The following CLNK variants were observed in gnomAD, a reference collection of about 807,000 sequenced individuals.
CLNK encodes the protein cytokine-dependent hematopoietic cell linker.
In CLNK, 74 loss-of-function variants were observed where a neutral mutation model predicts 68.6. The observed-to-expected ratio is 1.08, with a 90% CI of 0.89 to 1.31. The LOEUF (loss-of-function observed/expected upper bound fraction) is 1.31. Among genes scored for constraint, CLNK ranks in the 50% most tolerant of loss-of-function variants. The pLI, the probability that CLNK is intolerant of heterozygous loss-of-function variation, is 0.00. For synonymous variants in CLNK, 198 were observed against 172.2 expected (o/e 1.15, Z -1.17); for missense variants, 553 against 515.3 (o/e 1.07, Z -0.71).
At chr4:10,593,471 A>G (rs1456362958) in intron 3 of CLNK, among the ~76,000 whole-genome samples, 1 of 152,100 alleles carries the variant, frequency 6.6e-6, no homozygotes, top group African/African-American at 2.4e-5. Context: ...CCTGGCTAAT[A>G]TGGCGAAACC....
intron 2 of CLNK, among the ~76,000 whole-genome samples, chr4:10,650,777 A>G (rs1723697391): frequency 6.6e-6 from 1 of 152,180 alleles, no homozygotes; most frequent in African/African-American, 2.4e-5. Context: ...AAGGTTTGAC[A>G]TATAAAATTT....
At chr4:10,590,263 G>T (rs372538296) in intron 3 of CLNK, among the ~76,000 whole-genome samples, 3 of 151,980 alleles carry the variant, frequency 2.0e-5, no homozygotes, top group African/African-American at 7.3e-5. Context: ...ATTTTTAAAG[G>T]CTACTAAAGT....
At position 10,564,755 on chromosome 4, in the gene CLNK, T is replaced by G. The variant is rs201640283; in HGVS notation, c.315A>C (p.Ala105=). 7.3e-5 allele frequency: 118 copies of G among 1,612,424 alleles called. No individual in the cohort carries two copies. The East Asian group carries it at 2.6e-3, about 35-fold the overall frequency. ...TGTCTAACGGAAGGGGAGTGTCCATTGCAACCTTGAAATAGTGTGTATCTA... is the reference window on the plus strand; with the variant it reads ...TGTCTAACGGAAGGGGAGTGTCCATGGCAACCTTGAAATAGTGTGTATCTA... ...EYADTHYFKV[A]MDTPLPLDTR... is the part of the protein sequence containing the mutation. The change falls in exon 7 of 19, where the codon GCA becomes GCC. Residue 105 remains alanine, a synonymous_variant. Coordinates refer to ENST00000226951, the MANE Select transcript of CLNK (RefSeq NM_052964.4).
At chr4:10,660,269 A>G (rs940919184) in intron 2 of CLNK, among the ~76,000 whole-genome samples, 1 of 152,202 alleles carries the variant, frequency 6.6e-6, no homozygotes, top group Non-Finnish European at 1.5e-5. Flanking sequence ...GTTTTCCTGC[A>G]GTGGAAGACC....
chr4:10,542,047 A>G lies in CLNK; in HGVS notation c.472-6T>C. Reference sequence around the variant, plus strand: ...CGAGGAGGTGGTAAAGGAATCTGAAAAAGAAAAGAGAAACCTAAATTAAGT... The same window carrying G: ...CGAGGAGGTGGTAAAGGAATCTGAAGAAGAAAAGAGAAACCTAAATTAAGT... On this transcript the variant is annotated splice_region_variant and splice_polypyrimidine_tract_variant and intron_variant, in intron 9 of 18. Coordinates refer to ENST00000226951, the MANE Select transcript of CLNK (RefSeq NM_052964.4). The G allele has an allele frequency of 6.3e-7, 1 of 1,591,538 alleles. No homozygotes were observed. The highest frequency in any genetic ancestry group is 8.5e-7 in the Non-Finnish European group (1 of 1,169,782).
At chr4:10,634,565 C>T (rs1287606118) in intron 2 of CLNK, among the ~76,000 whole-genome samples, 1 of 152,236 alleles carries the variant, frequency 6.6e-6, no homozygotes, top group Non-Finnish European at 1.5e-5. Context: ...TGGGCTTACA[C>T]TGTGCACCGA....
intron 2 of CLNK, among the ~76,000 whole-genome samples, chr4:10,630,337 T>A (rs1202185732): frequency 9.2e-5 from 14 of 152,234 alleles, no homozygotes; most frequent in Admixed American, 9.2e-4. Flanking sequence ...TAAGCTCTTG[T>A]CACCCTCCTC....
At chr4:10,637,930 C>G (rs1233797960) in intron 2 of CLNK, among the ~76,000 whole-genome samples, 1 of 151,388 alleles carries the variant, frequency 6.6e-6, no homozygotes, top group Non-Finnish European at 1.5e-5. Context: ...TTATTGCCTA[C>G]TCTCTTAAAG....
chr4:10,726,654 T>C, the CLNK span, among the ~76,000 whole-genome samples: 21,115 of 152,224 alleles, frequency 0.14, 1,591 homozygotes, highest in South Asian at 0.23. Context: ...TGTAGAATTA[T>C]TATTAATGAA....
chr4:10,590,486 G>T (rs1350765070), intron 3 of CLNK, among the ~76,000 whole-genome samples: 3 of 152,154 alleles, frequency 2.0e-5, no homozygotes, highest in Non-Finnish European at 4.4e-5. Context: ...AGTGTGGTAT[G>T]CAGTCCTTTG....
intron 1 of CLNK, among the ~76,000 whole-genome samples, chr4:10,668,706 T>A (rs891549403): frequency 6.6e-6 from 1 of 152,126 alleles, no homozygotes; most frequent in Non-Finnish European, 1.5e-5. Flanking sequence ...AGGTAGGCAC[T>A]GGGACACAGA....
At chr4:10,630,380 G>A (rs972505823) in intron 2 of CLNK, among the ~76,000 whole-genome samples, 2 of 152,192 alleles carry the variant, frequency 1.3e-5, no homozygotes, top group African/African-American at 4.8e-5. Flanking sequence ...GAAAGTCAAA[G>A]GACTGGCCCA....
intron 2 of CLNK, among the ~76,000 whole-genome samples, chr4:10,611,433 G>C (rs1008125779): frequency 6.6e-6 from 1 of 151,954 alleles, no homozygotes; most frequent in Admixed American, 6.6e-5. Context: ...GGGAGGTGGA[G>C]GTTGCAGTGG....
chr4:10,628,672 G>A (rs1722770846), intron 2 of CLNK, among the ~76,000 whole-genome samples: 1 of 152,178 alleles, frequency 6.6e-6, no homozygotes, highest in Non-Finnish European at 1.5e-5. Context: ...AGACTGCGAT[G>A]CCTGTGTTGG....
chr4:10,571,517 G>A (rs546292906), intron 5 of CLNK, among the ~76,000 whole-genome samples: 3 of 151,852 alleles, frequency 2.0e-5, no homozygotes, highest in Non-Finnish European at 4.4e-5. Flanking sequence ...TGTATTTTTA[G>A]TAGAAACGGG....
At position 10,488,732 on chromosome 4, in the gene CLNK, A is replaced by G. The variant is rs1470853636; in HGVS notation, c.*1735T>C. The G allele has an allele frequency of 6.6e-6, 1 of 152,226 alleles. No individual in the cohort carries two copies. The highest frequency in any genetic ancestry group is 1.5e-5 in the Non-Finnish European group (1 of 68,036). The allele number at this position is 152,226 out of a possible 1,614,324, so 9.4% of individuals were successfully genotyped here. ...GTGAAAGGAGAACACCTGAGCAGGT[A>G]TTTGGATAGTGGGTAGATGCTAAGA... On this transcript the variant is annotated 3_prime_UTR_variant, in exon 19 of 19. Coordinates refer to ENST00000226951, the MANE Select transcript of CLNK (RefSeq NM_052964.4).
At chr4:10,686,187 G>A (rs1390016912), upstream of CLNK, among the ~76,000 whole-genome samples, 1 of 152,018 alleles carries the variant, frequency 6.6e-6, no homozygotes, top group African/African-American at 2.4e-5. Context: ...GTGTTTACAT[G>A]GCATTCTCCC....
At chr4:10,705,448 C>A in the CLNK span, among the ~76,000 whole-genome samples, 22 of 152,262 alleles carry the variant, frequency 1.4e-4, no homozygotes, top group Admixed American at 1.1e-3. Context: ...GGGCTAAAAC[C>A]CAGGTGGAAG....
intron 2 of CLNK, among the ~76,000 whole-genome samples, chr4:10,633,326 A>C (rs945771725): frequency 6.6e-6 from 1 of 152,216 alleles, no homozygotes; most frequent in Admixed American, 6.5e-5. Flanking sequence ...TCTCAAGTCG[A>C]CAGCGTTATT....
Sources: gnomAD v4.1 joint callset for allele counts (sites outside exome capture counted in the v4.1 genomes callset) on GRCh38, gnomAD v4.1.1 for gene constraint, MANE v1.5 for transcripts, NCBI Gene and HGNC (gene_info 2026-07-23, HGNC 2026-07-21) for gene names.